The following ATXN7L3 variants were observed in gnomAD, a reference collection of about 807,000 sequenced individuals.
ATXN7L3 encodes the protein ataxin 7 like 3.
ATXN7L3 carries 6 observed loss-of-function variants against 50.0 expected under a neutral mutation model. That is an observed-to-expected ratio of 0.12 (90% confidence interval 0.07 to 0.24). The LOEUF is 0.24. Among genes scored for constraint, ATXN7L3 ranks in the 10% least tolerant of loss-of-function variants. ATXN7L3 has a pLI of 1.00. For missense variants in ATXN7L3, 322 were observed against 451.3 expected, an observed-to-expected ratio of 0.71 and a Z score of 2.60; for synonymous variants, 198 against 165.8, an observed-to-expected ratio of 1.19 and a Z score of -1.49.
Position 44,194,427 on chromosome 17 carries a change from C to G in ATXN7L3, c.896-16G>C, listed in dbSNP as rs759695306. ...CTGTTGGTACCTGTAGAGAAAGAGA[C>G]ACAAGGGATGAGAGTATGGTTATGG... On this transcript the variant is annotated splice_polypyrimidine_tract_variant and intron_variant, in intron 12 of 12. Coordinates refer to ENST00000587097, the MANE Select transcript of ATXN7L3 (RefSeq NM_001382309.1). The G allele has an allele frequency of 5.0e-6, 8 of 1,613,950 alleles. No individual in the cohort carries two copies. Among genetic ancestry groups the G allele is most frequent in the Non-Finnish European group, 6.8e-6 (8 of 1,179,970 alleles).
intron 5 of ATXN7L3, 130 bp downstream of exon 5, chr17:44,196,799 A>T: frequency 8.5e-6 from 5 of 585,122 alleles, no homozygotes; most frequent in Non-Finnish European, 1.2e-5. Context: ...AAAAAAAAAA[A>T]GGAAAAGGAA....
At chr17:44,197,469 C>T in intron 3 of ATXN7L3, 70 bp from the exon 4 acceptor site, 9 of 1,572,522 alleles carry the variant, frequency 5.7e-6, no homozygotes, top group East Asian at 2.2e-5. Context: ...TGGGGTCCCA[C>T]GGCCTCTTCA....
chr17:44,197,458 C>G (rs2055951249), intron 3 of ATXN7L3, 59 bp from the exon 4 acceptor site: 17 of 1,571,982 alleles, frequency 1.1e-5, no homozygotes, highest in East Asian at 2.2e-5. Flanking sequence ...TTGTTCCCAC[C>G]TGGGGTCCCA....
At chr17:44,196,310 G>A (rs964637603) in intron 6 of ATXN7L3, 86 bp downstream of exon 6, 11 of 1,552,392 alleles carry the variant, frequency 7.1e-6, no homozygotes, top group Non-Finnish European at 8.8e-6. Flanking sequence ...TCAGCCTTGA[G>A]TCATGACACT....
Position 44,191,966 on chromosome 17 carries a change from C to T in ATXN7L3, c.*2297G>A, listed in dbSNP as rs537585029. On this transcript the variant is annotated 3_prime_UTR_variant, in exon 13 of 13. Coordinates refer to ENST00000587097, the MANE Select transcript of ATXN7L3 (RefSeq NM_001382309.1). ...GAGCCCCACCCCCCTCCCCCAATGA[C>T]CCCAGCATGCGGTAATGCCAGGCGG... 9.4e-4 allele frequency: 150 copies of T among 159,068 alleles called. No homozygotes were observed. The highest frequency in any genetic ancestry group is 5.4e-5 in the Non-Finnish European group (4 of 74,174). 9.9% of individuals were successfully genotyped at this position (159,068 alleles called of 1,614,324 possible).
At chr17:44,195,050 T>A in intron 10 of ATXN7L3, 47 bp downstream of exon 10, 1 of 1,602,810 alleles carries the variant, frequency 6.2e-7, no homozygotes, top group Non-Finnish European at 8.5e-7. Context: ...ATGCCCATGG[T>A]GAGTGTGCAG....
In ATXN7L3 at chr17:44,195,025, G is replaced by C. The variant is rs144148033; in HGVS notation, c.665+72C>G. ...CAGGAGCCCCATTGCTCAAGTCCAG[G>C]GGTACTCCCAACCCATGCCCATGGT... On this transcript the variant is annotated intron_variant, in intron 10 of 12. Coordinates refer to ENST00000587097, the MANE Select transcript of ATXN7L3 (RefSeq NM_001382309.1). 6.4e-5 allele frequency: 101 copies of C among 1,571,668 alleles called. No homozygotes were observed. The East Asian group carries it at 2.1e-3, about 33-fold the overall frequency.
chr17:44,196,157 T>C, intron 6 of ATXN7L3, 78 bp from the exon 7 acceptor site: 2 of 1,512,064 alleles, frequency 1.3e-6, no homozygotes, highest in Non-Finnish European at 1.8e-6. Context: ...GGAAAAAAGA[T>C]TTGACAAAGC....
chr17:44,195,193 G>T, intron 9 of ATXN7L3, 53 bp from the exon 10 acceptor site: 1 of 1,568,372 alleles, frequency 6.4e-7, no homozygotes, highest in South Asian at 1.1e-5. Context: ...TACTCTAGAT[G>T]TTAGATGTTT....
chr17:44,194,437 G>T, intron 12 of ATXN7L3, 26 bp from the exon 13 acceptor site: 1 of 1,613,928 alleles, frequency 6.2e-7, no homozygotes, highest in Non-Finnish European at 8.5e-7. Context: ...CACAAGGGAT[G>T]AGAGTATGGT....
At chr17:44,195,674 A>C (rs1241493321) in intron 8 of ATXN7L3, 126 bp downstream of exon 8, 3 of 1,239,864 alleles carry the variant, frequency 2.4e-6, no homozygotes, top group Non-Finnish European at 1.2e-6. Context: ...AAGAACATAA[A>C]TATGTAAGAT....
chr17:44,194,630 T>C lies in ATXN7L3; in HGVS notation c.782A>G (p.Asp261Gly). 6.2e-7 allele frequency: 1 copy of C among 1,613,940 alleles called. No homozygotes were observed. The highest frequency in any genetic ancestry group is 1.1e-5 in the South Asian group (1 of 91,076). The change falls in exon 12 of 13, where the codon GAC becomes GGC. Residue 261 changes from aspartate to glycine, a missense_variant. This residue lies in a region of ATXN7L3 where 122 missense variants were observed against 130.8 expected (regional missense o/e 0.93). Coordinates refer to ENST00000587097, the MANE Select transcript of ATXN7L3 (RefSeq NM_001382309.1). ...GATCAGGGCCTGGCTGTCAGTCATG[T>C]CAAAGCTGTCATTATCCAGGGAGCT... Reference protein sequence around the residue: ...VESSLDNDSFDMTDSQALISR... With the variant: ...VESSLDNDSFGMTDSQALISR...
chr17:44,197,039 G>A lies in ATXN7L3; in HGVS notation c.357-13C>T, dbSNP rs566504288. 4.4e-4 allele frequency: 711 copies of A among 1,602,124 alleles called. 12 individuals are homozygous for A. In the South Asian group the frequency reaches 7.4e-3, roughly 17 times the overall value. ...GCTATTGGCAATCCTGCCAAGGGGA[G>A]GGAAGAGAAAGGGGCCAAGGGGAAG... On this transcript the variant is annotated splice_polypyrimidine_tract_variant and intron_variant, in intron 4 of 12. Transcript: ENST00000587097.
chr17:44,194,562 C>T lies in ATXN7L3; in HGVS notation c.850G>A (p.Asp284Asn). 6.2e-7 allele frequency: 1 copy of T among 1,613,808 alleles called. No individual in the cohort carries two copies. Among genetic ancestry groups the T allele is most frequent in the Non-Finnish European group, 8.5e-7 (1 of 1,179,984 alleles). ...TCACTCGTCTTGGAGGAGCCTGAATCAGAGGGTGAGAGGTCAGAGGAGCCG... is the reference window on the plus strand; with the variant it reads ...TCACTCGTCTTGGAGGAGCCTGAATTAGAGGGTGAGAGGTCAGAGGAGCCG... ...WDGSSDLSPS[D>N]SGSSKTSENQ... is the part of the protein sequence containing the mutation. The change falls in exon 12 of 13, where the codon GAT becomes AAT. Residue 284 changes from aspartate (D) to asparagine (N), a missense_variant. This residue lies in a region of ATXN7L3 where 122 missense variants were observed against 130.8 expected (regional missense o/e 0.93). Transcript: ENST00000587097.
chr17:44,194,430 A>G lies in ATXN7L3; in HGVS notation c.896-19T>C. The G allele has an allele frequency of 2.5e-6, 4 of 1,613,898 alleles. No homozygotes were observed. The highest frequency in any genetic ancestry group is 1.1e-5 in the South Asian group (1 of 91,076). ...TTGGTACCTGTAGAGAAAGAGACAC[A>G]AGGGATGAGAGTATGGTTATGGCAG... On this transcript the variant is annotated intron_variant, in intron 12 of 12. Transcript: ENST00000587097.
In ATXN7L3 at chr17:44,195,003, G is replaced by A. The variant is rs374010690; in HGVS notation, c.665+94C>T. 7.2e-5 allele frequency: 109 copies of A among 1,512,078 alleles called. 1 individual carries two copies. The African/African-American group carries it at 1.4e-3, about 19-fold the overall frequency. The allele number at this position is 1,512,078 out of a possible 1,614,324, so 93.7% of individuals were successfully genotyped here. ...TTAGAGGAGGGAAGGGGAAGGGCAG[G>A]AGCCCCATTGCTCAAGTCCAGGGGT... On this transcript the variant is annotated intron_variant, in intron 10 of 12. Coordinates refer to ENST00000587097, the MANE Select transcript of ATXN7L3 (RefSeq NM_001382309.1).
chr17:44,195,598 G>C, intron 8 of ATXN7L3, 111 bp from the exon 9 acceptor site: 3 of 1,286,582 alleles, frequency 2.3e-6, no homozygotes, highest in Non-Finnish European at 3.3e-6. Context: ...GCTTTAGAAC[G>C]ACCCTGCCGT....
rs2055766450 is a variant in ATXN7L3 at position 44,193,401 on chromosome 17, G to C, written c.*862C>G. 1 of 152,600 alleles carries C rather than the reference G, an allele frequency of 6.6e-6. No homozygotes were observed. The highest frequency in any genetic ancestry group is 1.5e-5 in the Non-Finnish European group (1 of 68,074). The allele number at this position is 152,600 out of a possible 1,614,324, so 9.5% of individuals were successfully genotyped here. A position where few individuals can be genotyped will look rare whatever the true frequency, so the allele number is the denominator to read the frequency against. On this transcript the variant is annotated 3_prime_UTR_variant, in exon 13 of 13. Coordinates refer to ENST00000587097, the MANE Select transcript of ATXN7L3 (RefSeq NM_001382309.1). ...GGAGGGTGAGGCTGGGTCCCTTCCT[G>C]GGGCAGGGAATGAGGTAAGAAAACA... is the stretch of plus-strand genomic sequence containing the variant.
chr17:44,196,799 A>G, intron 5 of ATXN7L3, 130 bp downstream of exon 5: 2 of 585,122 alleles, frequency 3.4e-6, no homozygotes, highest in Admixed American at 3.3e-5. Context: ...AAAAAAAAAA[A>G]GGAAAAGGAA....
Sources: gnomAD v4.1 joint callset for allele counts on GRCh38, gnomAD v4.1.1 for gene constraint, gnomAD v4.1.1 regional missense constraint, MANE v1.5 for transcripts, NCBI Gene and HGNC (gene_info 2026-07-23, HGNC 2026-07-21) for gene names.